RFFL: variants seen among roughly 807,000 people sequenced by gnomAD.
RFFL encodes the protein E3 ubiquitin-protein ligase rififylin.
RFFL carries 16 observed loss-of-function variants against 40.4 expected under a neutral mutation model. That is an observed-to-expected ratio of 0.40 (90% confidence interval 0.27 to 0.60). The LOEUF (loss-of-function observed/expected upper bound fraction) is 0.60, where lower values mean the gene tolerates loss of function less well. RFFL is among the 20% of genes least tolerant of loss of function. The pLI is 0.47. For missense variants in RFFL, 367 were observed against 451.7 expected, an observed-to-expected ratio of 0.81 and a Z score of 1.70; for synonymous variants, 154 against 167.9, an observed-to-expected ratio of 0.92 and a Z score of 0.64.
chr17:35,068,782 G>A (rs1187507755), intron 1 of RFFL, among the ~76,000 whole-genome samples: 1 of 152,178 alleles, frequency 6.6e-6, no homozygotes, highest in South Asian at 2.1e-4. Context: ...CCCAGCCTGA[G>A]GACCCGATGG....
intron 1 of RFFL, among the ~76,000 whole-genome samples, chr17:35,038,053 T>G (rs922531754): frequency 6.6e-6 from 1 of 152,038 alleles, no homozygotes; most frequent in Non-Finnish European, 1.5e-5. Context: ...TTTGGGAGGC[T>G]AAGTCGGACG....
intron 1 of RFFL, among the ~76,000 whole-genome samples, chr17:35,074,787 C>G (rs1324496382): frequency 2.0e-5 from 3 of 152,166 alleles, no homozygotes; most frequent in Non-Finnish European, 4.4e-5. Flanking sequence ...AAGTGCTAGT[C>G]TTTTGATCAG....
In RFFL at chr17:35,014,744, T is replaced by A; in HGVS notation, c.906A>T (p.Gln302His). Residue 302 changes from glutamine to histidine, a missense_variant, in exon 6 of 7, where the codon CAA (glutamine) becomes CAT (histidine). Gln to His is a conservative substitution (Grantham distance 24). Transcript: ENST00000394597. ...LQHLVSGAEDQNGGAVPSGLE... is the reference protein window; with the variant it reads ...LQHLVSGAEDHNGGAVPSGLE... ...CAAACAGAAACAACTACATACCGTT[T>A]TGGTCTTCGGCACCACTGACTGAAA... is the stretch of plus-strand genomic sequence containing the variant. 6.2e-7 allele frequency: 1 copy of A among 1,613,808 alleles called. No homozygotes were observed. Among genetic ancestry groups the A allele is most frequent in the East Asian group, 2.2e-5 (1 of 44,872 alleles).
chr17:35,060,573 A>C (rs1415434909), intron 1 of RFFL, among the ~76,000 whole-genome samples: 1 of 152,206 alleles, frequency 6.6e-6, no homozygotes, highest in East Asian at 1.9e-4. Flanking sequence ...GAGGGAAATA[A>C]TTTTGTAAAA....
intron 1 of RFFL, among the ~76,000 whole-genome samples, chr17:35,028,684 C>G (rs995207854): frequency 6.6e-6 from 1 of 152,066 alleles, no homozygotes; most frequent in East Asian, 1.9e-4. Context: ...ATTGTTTTAA[C>G]AAGGGCACTT....
intron 1 of RFFL, among the ~76,000 whole-genome samples, chr17:35,077,253 A>G (rs1047506853): frequency 2.0e-5 from 3 of 152,178 alleles, no homozygotes; most frequent in African/African-American, 7.2e-5. Context: ...AGCTTCAGTT[A>G]TAGGTGGCAT....
At chr17:35,053,254 G>A (rs1406327300) in intron 1 of RFFL, among the ~76,000 whole-genome samples, 1 of 152,168 alleles carries the variant, frequency 6.6e-6, no homozygotes, top group Non-Finnish European at 1.5e-5. Context: ...CCTCCAAAGA[G>A]ACAGAGTATC....
chr17:35,017,715 A>T (rs2090983413), intron 3 of RFFL, 109 bp from the exon 4 acceptor site: 2 of 732,882 alleles, frequency 2.7e-6, no homozygotes, highest in Non-Finnish European at 4.8e-6. Flanking sequence ...CATCATGCCC[A>T]GAAATCCGGA....
intron 1 of RFFL, among the ~76,000 whole-genome samples, chr17:35,055,652 C>T (rs1225933458): frequency 7.6e-6 from 1 of 132,338 alleles, no homozygotes; most frequent in Non-Finnish European, 1.5e-5. Context: ...GCCTGGGCCA[C>T]AAGAGCAAAA....
At chr17:35,034,290 C>T (rs2142336874) in intron 1 of RFFL, among the ~76,000 whole-genome samples, 1 of 152,044 alleles carries the variant, frequency 6.6e-6, no homozygotes, top group Non-Finnish European at 1.5e-5. Context: ...GATCATGCCA[C>T]AGCACACTCT....
chr17:35,085,090 C>G (rs1024474810), intron 1 of RFFL, among the ~76,000 whole-genome samples: 2 of 152,178 alleles, frequency 1.3e-5, no homozygotes, highest in Non-Finnish European at 2.9e-5. Context: ...GCTGGGAAAT[C>G]TGCATTTTTA....
rs576105653 is a variant in RFFL, at chr17:35,077,609, T to C, written c.-9+11496A>G. Among the ~76,000 whole-genome samples, 14 of 152,356 alleles carry C rather than the reference T, an allele frequency of 9.2e-5. No individual in the cohort carries two copies. In the South Asian group the frequency reaches 2.5e-3, roughly 27 times the overall value. On this transcript the variant is annotated intron_variant, in intron 1 of 6. Transcript: ENST00000315249. ...ACACTATGAAGTGCCAGTTCAGTCATTATTGTTCTGAAGGAATCAAAGTAC... is the reference window on the plus strand; with the variant it reads ...ACACTATGAAGTGCCAGTTCAGTCACTATTGTTCTGAAGGAATCAAAGTAC...
At chr17:35,075,986 CTTTTTTTTTT>C (rs35996071) in intron 1 of RFFL, among the ~76,000 whole-genome samples, 46 of 80,026 alleles carry the variant, frequency 5.7e-4, no homozygotes, top group Admixed American at 1.2e-3. Context: ...TCAATTTATT[CTTTTTTTTTT>C]TTTTTTTTTT....
chr17:35,073,409 A>C, intron 1 of RFFL, among the ~76,000 whole-genome samples: 1 of 152,240 alleles, frequency 6.6e-6, no homozygotes, highest in East Asian at 1.9e-4. Flanking sequence ...ATAAGTTGTG[A>C]AAGATGTGGT....
chr17:35,029,345 T>G (rs1438521168), intron 1 of RFFL, among the ~76,000 whole-genome samples: 4 of 149,282 alleles, frequency 2.7e-5, no homozygotes, highest in Admixed American at 1.3e-4. Flanking sequence ...TTGTAGTTTT[T>G]TTTTTTTTTT....
At chr17:35,035,966 G>T (rs2091119427) in intron 1 of RFFL, among the ~76,000 whole-genome samples, 2 of 152,046 alleles carry the variant, frequency 1.3e-5, no homozygotes, top group Non-Finnish European at 2.9e-5. Context: ...GCCTCCCAAA[G>T]TGCTGGAATT....
Position 35,016,599 on chromosome 17 carries a change from G to A in RFFL, c.676-19C>T. The A allele has an allele frequency of 3.1e-6, 5 of 1,598,324 alleles. No individual in the cohort carries two copies. The highest frequency in any genetic ancestry group is 4.3e-6 in the Non-Finnish European group (5 of 1,165,892). ...CAATAGACTGCAATGACAAAGATGAGATCAGTGTGCTCAGCTCTTACCTCC... is the reference window on the plus strand; with the variant it reads ...CAATAGACTGCAATGACAAAGATGAAATCAGTGTGCTCAGCTCTTACCTCC... On this transcript the variant is annotated intron_variant, in intron 4 of 6. Transcript: ENST00000394597.
intron 1 of RFFL, among the ~76,000 whole-genome samples, chr17:35,057,056 C>T (rs1423854617): frequency 6.6e-6 from 1 of 152,052 alleles, no homozygotes. Context: ...GCACGGATTA[C>T]AGGCATAAGC....
At chr17:35,078,850 C>T (rs1383286864) in intron 1 of RFFL, among the ~76,000 whole-genome samples, 1 of 151,928 alleles carries the variant, frequency 6.6e-6, no homozygotes, top group Admixed American at 6.6e-5. Context: ...TGTGGTGGCA[C>T]ACGCCTGTGG....
Sources: allele counts gnomAD v4.1 joint callset (sites outside exome capture counted in the v4.1 genomes callset), GRCh38; gene constraint gnomAD v4.1.1; transcripts MANE v1.5; gene names NCBI Gene and HGNC (gene_info 2026-07-23, HGNC 2026-07-21).